The following TMTC1 variants were observed in gnomAD, a reference collection of about 807,000 sequenced individuals.
The protein encoded by TMTC1 is protein O-mannosyl-transferase TMTC1.
Under a neutral mutation model 104.8 loss-of-function variants are expected in TMTC1, and 73 were observed. The ratio of observed to expected loss-of-function variants is 0.70; its 90% confidence interval spans 0.58 to 0.85. The LOEUF (loss-of-function observed/expected upper bound fraction) is 0.85, where lower values mean the gene tolerates loss of function less well. Ranked by LOEUF, TMTC1 falls within the 40% of genes least tolerant of loss-of-function variation. The probability of loss-of-function intolerance (pLI) is 0.00; values close to 1 mark genes in which losing one functional copy is unlikely to be tolerated. For synonymous variants in TMTC1, 434 were observed against 428.7 expected (o/e 1.01, Z -0.15); for missense variants, 1,035 against 1,096.1 (o/e 0.94, Z 0.79).
intron 9 of TMTC1, among the ~76,000 whole-genome samples, chr12:29,557,993 C>A (rs1190815222): frequency 6.6e-6 from 1 of 151,922 alleles, no homozygotes; most frequent in Non-Finnish European, 1.5e-5. Flanking sequence ...ACGATGAAGT[C>A]AAAAATAGCA....
intron 5 of TMTC1, among the ~76,000 whole-genome samples, chr12:29,711,759 A>T (rs1372993712): frequency 6.6e-6 from 1 of 152,154 alleles, no homozygotes; most frequent in Non-Finnish European, 1.5e-5. Flanking sequence ...TAATCCCAGC[A>T]CTTTGGGGGG....
intron 11 of TMTC1, among the ~76,000 whole-genome samples, chr12:29,521,396 T>C (rs1173534743): frequency 6.6e-6 from 1 of 152,102 alleles, no homozygotes; most frequent in Non-Finnish European, 1.5e-5. Context: ...ATATGTCCCC[T>C]CAAGGGTGTA....
At chr12:29,633,834 A>G (rs576618089) in intron 5 of TMTC1, among the ~76,000 whole-genome samples, 2 of 152,330 alleles carry the variant, frequency 1.3e-5, no homozygotes, top group East Asian at 3.9e-4. Flanking sequence ...GCTGACAAGG[A>G]CAGCCAGGTA....
rs757459307 is a variant in TMTC1 at position 29,572,173 on chromosome 12, G to C, written c.1464C>G (p.Asn488Lys). The C allele has an allele frequency of 5.6e-6, 9 of 1,613,924 alleles. No individual in the cohort carries two copies. Among genetic ancestry groups the C allele is most frequent in the Non-Finnish European group, 7.6e-6 (9 of 1,179,896 alleles). ...TLPHNAKVHY[N>K]YANFLKDQGR... ...CTTGGTCCTTCAGGAAATTGGCATAGTTGTAGTGAACCTTGGCATTGTGGG... is the reference window on the plus strand; with the variant it reads ...CTTGGTCCTTCAGGAAATTGGCATACTTGTAGTGAACCTTGGCATTGTGGG... Residue 488 changes from asparagine to lysine, a missense_variant, in exon 9 of 18, where the codon AAC becomes AAG. Asn to Lys is a moderately conservative substitution (Grantham distance 94). Coordinates refer to ENST00000539277, the MANE Select transcript of TMTC1 (RefSeq NM_001193451.2).
At chr12:29,524,419 A>AT (rs201975402) in intron 11 of TMTC1, among the ~76,000 whole-genome samples, 2,014 of 152,196 alleles carry the variant, frequency 0.013, 42 homozygotes, top group African/African-American at 0.045. Flanking sequence ...AATGGTACAG[A>AT]TTTTTTTCTG....
chr12:29,777,155 T>C (rs1314295141), intron 1 of TMTC1, among the ~76,000 whole-genome samples: 1 of 152,000 alleles, frequency 6.6e-6, no homozygotes, highest in African/African-American at 2.4e-5. Context: ...AGTGCGGTGG[T>C]GCAATCTCGG....
intron 17 of TMTC1, 35 bp downstream of exon 17, chr12:29,512,008 A>G: frequency 6.3e-7 from 1 of 1,587,110 alleles, no homozygotes; most frequent in Non-Finnish European, 8.7e-7. Flanking sequence ...ACAGGGGGAA[A>G]GCCCGGTCCA....
In TMTC1 at chr12:29,713,027, G is replaced by A. The variant is rs553028876; in HGVS notation, c.938+38639C>T. 5.3e-5 allele frequency among the ~76,000 whole-genome samples: 8 copies of A among 152,082 alleles called. No individual in the cohort carries two copies. The East Asian group carries it at 1.2e-3, about 22-fold the overall frequency. ...TTAGATCAGTAGATGGAGTGAAATG[G>A]TTCTGTTTTCATAATGTGGGCGAGG... On this transcript the variant is annotated intron_variant, in intron 5 of 17. Transcript: ENST00000539277.
chr12:29,765,119 G>A (rs572027390), intron 2 of TMTC1, among the ~76,000 whole-genome samples: 2 of 152,204 alleles, frequency 1.3e-5, no homozygotes, highest in Admixed American at 1.3e-4. Context: ...TATTCTATAT[G>A]TCTAGTAGTA....
At chr12:29,613,403 AG>A (rs1048516729) in intron 6 of TMTC1, among the ~76,000 whole-genome samples, 1 of 152,114 alleles carries the variant, frequency 6.6e-6, no homozygotes, top group African/African-American at 2.4e-5. Flanking sequence ...CTGTCTGAGG[AG>A]GGGGTGGAGA....
intron 8 of TMTC1, among the ~76,000 whole-genome samples, chr12:29,580,466 T>A (rs1373919478): frequency 6.6e-6 from 1 of 152,182 alleles, no homozygotes; most frequent in Non-Finnish European, 1.5e-5. Flanking sequence ...AATTTGTACT[T>A]TCTCCAACAC....
chr12:29,764,814 G>A (rs2120450298), intron 2 of TMTC1, among the ~76,000 whole-genome samples: 1 of 152,108 alleles, frequency 6.6e-6, no homozygotes, highest in South Asian at 2.1e-4. Context: ...TAGTACAAAA[G>A]CTCGCTGCAA....
At chr12:29,518,354 C>CT in intron 13 of TMTC1, 118 bp downstream of exon 13, 2 of 1,256,146 alleles carry the variant, frequency 1.6e-6, no homozygotes, top group South Asian at 3.9e-5. Flanking sequence ...TTTGTATCAC[C>CT]TGAATTGGCA....
chr12:29,614,041 T>A, intron 6 of TMTC1: 3 of 378,508 alleles, frequency 7.9e-6, no homozygotes, highest in Non-Finnish European at 1.1e-5. Context: ...AGTGAAGATC[T>A]AAATGTTTTA....
At chr12:29,666,537 C>A (rs1940295885) in intron 5 of TMTC1, among the ~76,000 whole-genome samples, 1 of 152,018 alleles carries the variant, frequency 6.6e-6, no homozygotes. Context: ...CCGGCCTACC[C>A]CTTTTCTTTT....
At chr12:29,671,953 C>G (rs1196401994) in intron 5 of TMTC1, among the ~76,000 whole-genome samples, 1 of 152,170 alleles carries the variant, frequency 6.6e-6, no homozygotes, top group Non-Finnish European at 1.5e-5. Context: ...ACAGCCTGCT[C>G]CGAAGCAATG....
chr12:29,703,263 G>C (rs1941651862), intron 5 of TMTC1, among the ~76,000 whole-genome samples: 1 of 152,154 alleles, frequency 6.6e-6, no homozygotes, highest in South Asian at 2.1e-4. Context: ...AAGAGTCATG[G>C]GAGGTGCTTA....
chr12:29,758,667 T>C (rs1423712660), intron 3 of TMTC1, 37 bp downstream of exon 3: 2 of 1,594,724 alleles, frequency 1.3e-6, no homozygotes, highest in Non-Finnish European at 1.7e-6. Flanking sequence ...ACGGCACAGT[T>C]GCGATCACAG....
At chr12:29,606,515 A>T (rs1286717912) in intron 6 of TMTC1, among the ~76,000 whole-genome samples, 3 of 152,168 alleles carry the variant, frequency 2.0e-5, no homozygotes, top group Non-Finnish European at 4.4e-5. Flanking sequence ...TTATAGGTGC[A>T]CTTTTATAGA....
Sources: allele counts gnomAD v4.1 joint callset (sites outside exome capture counted in the v4.1 genomes callset), GRCh38; gene constraint gnomAD v4.1.1; transcripts MANE v1.5; gene names NCBI Gene and HGNC (gene_info 2026-07-23, HGNC 2026-07-21).